The following CUL1 variants were observed in gnomAD, a reference collection of about 807,000 sequenced individuals.
The protein encoded by CUL1 is cullin-1.
A neutral mutation model predicts 118.0 loss-of-function variants in CUL1; 24 were observed. The observed-to-expected ratio is 0.20, with a 90% CI of 0.15 to 0.29. The LOEUF (loss-of-function observed/expected upper bound fraction) is 0.29, where lower values mean the gene tolerates loss of function less well. Among genes scored for constraint, CUL1 ranks in the 10% least tolerant of loss-of-function variants. The pLI, the probability that CUL1 is intolerant of heterozygous loss-of-function variation, is 1.00. For missense variants in CUL1, 361 were observed against 933.8 expected, an observed-to-expected ratio of 0.39 and a Z score of 7.99; for synonymous variants, 332 against 340.4, an observed-to-expected ratio of 0.98 and a Z score of 0.27.
intron 1 of CUL1, among the ~76,000 whole-genome samples, chr7:148,727,533 AG>A (rs1798627731): frequency 6.6e-6 from 1 of 152,198 alleles, no homozygotes; most frequent in African/African-American, 2.4e-5. Flanking sequence ...ACCCCGGTGA[AG>A]TCAGGGAGTT....
intron 3 of CUL1, 28 bp downstream of exon 3, chr7:148,754,178 A>G (rs760920227): frequency 7.3e-7 from 1 of 1,371,540 alleles, no homozygotes; most frequent in East Asian, 2.4e-5. Flanking sequence ...TATACTGAGT[A>G]TTCATAACAG....
intron 1 of CUL1, among the ~76,000 whole-genome samples, chr7:148,711,186 A>G (rs243537): frequency 0.32 from 48,451 of 152,146 alleles, 8,480 homozygotes; most frequent in South Asian, 0.48. Flanking sequence ...TTCTGTGCAT[A>G]TATGTTTCTC....
chr7:148,718,270 A>G (rs1413623471), intron 1 of CUL1, among the ~76,000 whole-genome samples: 2 of 152,354 alleles, frequency 1.3e-5, no homozygotes, highest in Admixed American at 6.5e-5. Flanking sequence ...AAAATGTATA[A>G]TTCAGTGATG....
At chr7:148,750,951 C>A (rs1799469318) in intron 2 of CUL1, among the ~76,000 whole-genome samples, 1 of 150,824 alleles carries the variant, frequency 6.6e-6, no homozygotes, top group Non-Finnish European at 1.5e-5. Flanking sequence ...CACTGCTCTC[C>A]AGCCTGGGCA....
intron 2 of CUL1, among the ~76,000 whole-genome samples, chr7:148,733,782 T>C (rs1323084862): frequency 6.6e-6 from 1 of 152,188 alleles, no homozygotes; most frequent in Non-Finnish European, 1.5e-5. Flanking sequence ...GGGATTCTTT[T>C]CCTTCCCATA....
intron 4 of CUL1, among the ~76,000 whole-genome samples, chr7:148,759,096 T>C (rs1365059471): frequency 6.6e-6 from 1 of 152,212 alleles, no homozygotes; most frequent in African/African-American, 2.4e-5. Flanking sequence ...AATAAAGAAG[T>C]TGAGCTGACA....
intron 9 of CUL1, among the ~76,000 whole-genome samples, chr7:148,777,714 C>T (rs2129461911): frequency 6.6e-6 from 1 of 152,078 alleles, no homozygotes; most frequent in East Asian, 1.9e-4. Context: ...CCAATAGAGG[C>T]TTTGGGGGAG....
chr7:148,703,027 G>GGTTAA (rs1443857641), intron 1 of CUL1, among the ~76,000 whole-genome samples: 2 of 152,222 alleles, frequency 1.3e-5, no homozygotes, highest in African/African-American at 4.8e-5. Context: ...GAGTGGTGCA[G>GGTTAA]GTAAGGGCTA....
chr7:148,786,526 CA>C, intron 11 of CUL1, 24 bp from the exon 12 acceptor site: 1 of 1,591,504 alleles, frequency 6.3e-7, no homozygotes, highest in Non-Finnish European at 8.6e-7. Context: ...TGTTTTAAAA[CA>C]TGGTATCTTT....
intron 16 of CUL1, 39 bp from the exon 17 acceptor site, chr7:148,792,687 A>C (rs1159799203): frequency 1.3e-6 from 2 of 1,517,976 alleles, no homozygotes; most frequent in African/African-American, 2.8e-5. Context: ...CATGCATGTA[A>C]ATTTTCCTTC....
intron 7 of CUL1, among the ~76,000 whole-genome samples, 194 bp from the exon 8 acceptor site, chr7:148,766,367 C>T (rs1028980688): frequency 6.6e-5 from 10 of 152,156 alleles, no homozygotes; most frequent in Admixed American, 6.5e-4. Context: ...CTCGAGCAAT[C>T]CTCCTGCTTC....
intron 21 of CUL1, among the ~76,000 whole-genome samples, chr7:148,799,628 G>C (rs796238802): frequency 1.3e-5 from 2 of 152,284 alleles, no homozygotes; most frequent in African/African-American, 4.8e-5. Context: ...CAGCACCCAG[G>C]TAAGAATTGA....
At chr7:148,775,767 G>A (rs534998398) in intron 9 of CUL1, among the ~76,000 whole-genome samples, 79 of 150,856 alleles carry the variant, frequency 5.2e-4, no homozygotes, top group South Asian at 1.3e-3. Context: ...TGAGAAATTC[G>A]TATGACCTTG....
At chr7:148,779,932 C>T (rs985717872) in intron 9 of CUL1, among the ~76,000 whole-genome samples, 4 of 152,260 alleles carry the variant, frequency 2.6e-5, no homozygotes, top group East Asian at 3.9e-4. Context: ...CGTGAAAAGG[C>T]GAGACTGGCC....
At chr7:148,749,928 C>T (rs182756643) in intron 2 of CUL1, among the ~76,000 whole-genome samples, 69 of 152,284 alleles carry the variant, frequency 4.5e-4, no homozygotes, top group African/African-American at 1.4e-3. Context: ...GATAAGAAAG[C>T]GAAACAGCCA....
intron 1 of CUL1, among the ~76,000 whole-genome samples, chr7:148,725,830 A>G (rs1798562879): frequency 6.6e-6 from 1 of 152,240 alleles, no homozygotes; most frequent in African/African-American, 2.4e-5. Context: ...GATATCAAAA[A>G]TGTAAGATTA....
intron 1 of CUL1, among the ~76,000 whole-genome samples, chr7:148,726,833 C>CA (rs11408081): frequency 0.075 from 9,880 of 131,612 alleles, 861 homozygotes; most frequent in African/African-American, 0.21. Context: ...CCATCTCTAC[C>CA]AAAAAAAAAA....
At chr7:148,745,626 A>T (rs1419650578) in intron 2 of CUL1, among the ~76,000 whole-genome samples, 3 of 152,230 alleles carry the variant, frequency 2.0e-5, no homozygotes, top group African/African-American at 7.2e-5. Flanking sequence ...ATTAGGATGA[A>T]GATGGACTGG....
At chr7:148,757,639 G>A (rs1472033427) in intron 4 of CUL1, among the ~76,000 whole-genome samples, 1 of 152,046 alleles carries the variant, frequency 6.6e-6, no homozygotes, top group South Asian at 2.1e-4. Flanking sequence ...GGGTTTTTTT[G>A]GTCCATTGGT....
Sources: allele counts gnomAD v4.1 joint callset (sites outside exome capture counted in the v4.1 genomes callset), GRCh38; gene constraint gnomAD v4.1.1; transcripts MANE v1.5; gene names NCBI Gene and HGNC (gene_info 2026-07-23, HGNC 2026-07-21).